RPS6KA2: variants seen among roughly 807,000 people sequenced by gnomAD.
The protein encoded by RPS6KA2 is ribosomal protein S6 kinase alpha-2.
RPS6KA2 carries 42 observed loss-of-function variants against 91.8 expected under a neutral mutation model. The ratio of observed to expected loss-of-function variants is 0.46; its 90% CI spans 0.36 to 0.59. The LOEUF (loss-of-function observed/expected upper bound fraction) is 0.59, where lower values mean the gene tolerates loss of function less well. Ranked by LOEUF, RPS6KA2 falls within the 20% of genes least tolerant of loss-of-function variation. RPS6KA2 has a pLI of 0.00. For synonymous variants in RPS6KA2, 414 were observed against 393.6 expected, an observed-to-expected ratio of 1.05 and a Z score of -0.61; for missense variants, 798 against 978.5, an observed-to-expected ratio of 0.82 and a Z score of 2.46.
intron 1 of RPS6KA2, among the ~76,000 whole-genome samples, chr6:166,604,836 T>A (rs1785886043): frequency 6.6e-6 from 1 of 152,184 alleles, no homozygotes; most frequent in Non-Finnish European, 1.5e-5. Context: ...GCCACAGGCA[T>A]CCCTTGGGTG....
chr6:166,638,496 T>A (rs2128548815), intron 2 of RPS6KA2, among the ~76,000 whole-genome samples: 1 of 152,338 alleles, frequency 6.6e-6, no homozygotes, highest in Middle Eastern at 3.4e-3. Flanking sequence ...GCTGAGCACG[T>A]GTACCATTTA....
At position 166,665,806 on chromosome 6, in the gene RPS6KA2, T is replaced by A. The variant is rs968430183; in HGVS notation, c.124-127022A>T. Among the ~76,000 whole-genome samples the A allele has an allele frequency of 6.6e-6, 1 of 151,876 alleles. No individual in the cohort carries two copies. The highest frequency in any genetic ancestry group is 6.6e-5 in the Admixed American group (1 of 15,248). On this transcript the variant is annotated intron_variant, in intron 2 of 21. Coordinates refer to the RPS6KA2 transcript ENST00000503859. This position sits in a 1 kb window ranked among gnomAD's most constrained non-coding sequence, Gnocchi z 4.5. Reference sequence around the variant, plus strand: ...TCATGTCACGGAGAAGGAAGCCGAGTGAGGATGAGAAAAGCAACCTTCACA... The same window carrying A: ...TCATGTCACGGAGAAGGAAGCCGAGAGAGGATGAGAAAAGCAACCTTCACA...
chr6:166,620,031 G>A (rs1026132154), intron 1 of RPS6KA2, among the ~76,000 whole-genome samples: 2 of 152,166 alleles, frequency 1.3e-5, no homozygotes, highest in African/African-American at 4.8e-5. Flanking sequence ...AGGATGTGTG[G>A]CCAAGATGTC....
In RPS6KA2 at chr6:166,435,939, G is replaced by C. The variant is rs1244967698; in HGVS notation, c.1333-3449C>G. Among the ~76,000 whole-genome samples, 1 of 152,200 alleles carries C rather than the reference G, an allele frequency of 6.6e-6. No homozygotes were observed. Among genetic ancestry groups the C allele is most frequent in the Non-Finnish European group, 1.5e-5 (1 of 68,010 alleles). On this transcript the variant is annotated intron_variant, in intron 14 of 20. Transcript: ENST00000265678. The surrounding 1 kb of genome is among the most constrained non-coding windows in gnomAD (Gnocchi z 4.3). ...GCCCCAGCTGAGACCTGGCCTCCCT[G>C]TCCACTCCCTGTGGGGTTGCAGGAG...
At chr6:166,647,501 C>T (rs1214038857) in intron 2 of RPS6KA2, among the ~76,000 whole-genome samples, 1 of 152,216 alleles carries the variant, frequency 6.6e-6, no homozygotes, top group Non-Finnish European at 1.5e-5. Context: ...CTACTCTACA[C>T]CGTCAATAAT....
chr6:166,580,021 T>C (rs761071155), intron 1 of RPS6KA2, among the ~76,000 whole-genome samples: 3 of 152,246 alleles, frequency 2.0e-5, no homozygotes, highest in Non-Finnish European at 4.4e-5. Flanking sequence ...GCATTGAACA[T>C]GCTTAAAGGG....
At chr6:166,838,943 G>A (rs1256426966) in intron 2 of RPS6KA2, among the ~76,000 whole-genome samples, 1 of 152,174 alleles carries the variant, frequency 6.6e-6, no homozygotes, top group Non-Finnish European at 1.5e-5. Context: ...ATGGAGGTCG[G>A]GATGGATGGG....
intron 1 of RPS6KA2, among the ~76,000 whole-genome samples, chr6:166,608,575 C>T (rs762923433): frequency 5.3e-4 from 80 of 152,224 alleles, no homozygotes; most frequent in Middle Eastern, 6.8e-3. Context: ...GAAAACATAA[C>T]AAGTTGATTA....
chr6:166,807,654 G>C (rs1476574906), intron 2 of RPS6KA2, among the ~76,000 whole-genome samples: 1 of 151,932 alleles, frequency 6.6e-6, no homozygotes, highest in Non-Finnish European at 1.5e-5. Context: ...CTCCCCTGCT[G>C]TTCTCCCCCA....
At chr6:166,702,321 C>T in intron 2 of RPS6KA2, 3 of 1,613,546 alleles carry the variant, frequency 1.9e-6, no homozygotes, top group Non-Finnish European at 2.5e-6. Flanking sequence ...CCCCGGCGAC[C>T]TCGGGGCTGC....
intron 2 of RPS6KA2, among the ~76,000 whole-genome samples, chr6:166,632,806 G>A (rs1787120110): frequency 6.6e-6 from 1 of 152,204 alleles, no homozygotes; most frequent in Non-Finnish European, 1.5e-5. Context: ...CGAGCTTAGT[G>A]AGGGAGGAGA....
chr6:166,782,576 G>A (rs845642), intron 2 of RPS6KA2, among the ~76,000 whole-genome samples: 76,138 of 151,974 alleles, frequency 0.5, 22,726 homozygotes, highest in Non-Finnish European at 0.65. Flanking sequence ...AGCGTGACTC[G>A]ATCCCGAGGC....
chr6:166,702,802 G>A, intron 2 of RPS6KA2: 3 of 1,068,932 alleles, frequency 2.8e-6, no homozygotes, highest in Non-Finnish European at 4.4e-6. Context: ...CAAGGGGGCG[G>A]CGTTCTCGCT....
At chr6:166,523,588 A>G (rs888061515) in intron 3 of RPS6KA2, among the ~76,000 whole-genome samples, 2 of 152,194 alleles carry the variant, frequency 1.3e-5, no homozygotes, top group African/African-American at 4.8e-5. Flanking sequence ...AATAATAATA[A>G]TAACAGTCCT....
chr6:166,595,238 G>A (rs1209516454), intron 1 of RPS6KA2, among the ~76,000 whole-genome samples: 2 of 152,048 alleles, frequency 1.3e-5, no homozygotes, highest in African/African-American at 2.4e-5. Flanking sequence ...TTTTAGTAGA[G>A]ACTGGGTTTC....
At position 166,778,087 on chromosome 6, in the gene RPS6KA2, C is replaced by T. The variant is rs150303875; in HGVS notation, c.123+80113G>A. On this transcript the variant is annotated intron_variant, in intron 2 of 21. Coordinates refer to the RPS6KA2 transcript ENST00000503859. ...CAAAGTGATTTTGAAGGCTGAAGGA[C>T]AGCCAACACCATTTTAAAGACACAG... is the stretch of plus-strand genomic sequence containing the variant. 1.4e-3 allele frequency among the ~76,000 whole-genome samples: 207 copies of T among 152,300 alleles called. 1 individual carries two copies. Among genetic ancestry groups the T allele is most frequent in the African/African-American group, 4.6e-3 (191 of 41,560 alleles).
intron 1 of RPS6KA2, among the ~76,000 whole-genome samples, chr6:166,574,255 C>T (rs4709122): frequency 0.29 from 44,843 of 152,112 alleles, 7,708 homozygotes; most frequent in South Asian, 0.47. Context: ...TGGGTGGCCC[C>T]GTCACCCGGG....
chr6:166,808,075 C>G (rs1465836986), intron 2 of RPS6KA2, among the ~76,000 whole-genome samples: 3 of 151,870 alleles, frequency 2.0e-5, no homozygotes, highest in Non-Finnish European at 4.4e-5. Flanking sequence ...CACGATGGAC[C>G]CATGGCTCCA....
At chr6:166,690,023 G>A (rs764788438) in intron 2 of RPS6KA2, among the ~76,000 whole-genome samples, 1 of 152,186 alleles carries the variant, frequency 6.6e-6, no homozygotes, top group African/African-American at 2.4e-5. Context: ...GCACGGTCCC[G>A]CAATCCCACC....
Sources: allele counts gnomAD v4.1 joint callset (sites outside exome capture counted in the v4.1 genomes callset), GRCh38; gene constraint gnomAD v4.1.1; non-coding constraint Gnocchi (gnomAD v3.1); transcripts MANE v1.5; gene names NCBI Gene and HGNC (gene_info 2026-07-23, HGNC 2026-07-21).